The following HMCN1 variants were observed in gnomAD, a reference collection of about 807,000 sequenced individuals.
HMCN1 encodes the protein hemicentin 1.
HMCN1 carries 321 observed loss-of-function variants against 625.9 expected under a neutral mutation model. The ratio of observed to expected loss-of-function variants is 0.51; its 90% confidence interval spans 0.47 to 0.56. The LOEUF is 0.56. HMCN1 is among the 20% of genes least tolerant of loss of function. The pLI is 0.00. For synonymous variants in HMCN1, 2,425 were observed against 2,417.6 expected (o/e 1.00, Z -0.09); for missense variants, 6,588 against 6,887.3 (o/e 0.96, Z 1.54).
chr1:185,921,365 C>T (rs1666997498), intron 6 of HMCN1, among the ~76,000 whole-genome samples: 1 of 152,174 alleles, frequency 6.6e-6, no homozygotes, highest in African/African-American at 2.4e-5. Flanking sequence ...TTCTTCTCCA[C>T]ATTGCTAAAT....
rs139924006 is a variant in HMCN1 at position 185,993,621 on chromosome 1, G to A, written c.3505+312G>A. The stretch of plus-strand genomic sequence containing the variant: ...CAGTAGAAAAAAATGTGTTTAAGCC[G>A]GTAGCATTTTATAGAAGCTAATACA... On this transcript the variant is annotated intron_variant, in intron 23 of 106. Transcript: ENST00000271588. 1.4e-3 allele frequency among the ~76,000 whole-genome samples: 219 copies of A among 151,960 alleles called. 2 individuals carry two copies. Among genetic ancestry groups the A allele is most frequent in the African/African-American group, 4.6e-3 (192 of 41,450 alleles).
rs530307991 is a variant in HMCN1 at position 186,037,930 on chromosome 1, G to C, written c.5750-4G>C. On this transcript the variant is annotated splice_region_variant and splice_polypyrimidine_tract_variant and intron_variant, in intron 36 of 106. Coordinates refer to ENST00000271588, the MANE Select transcript of HMCN1 (RefSeq NM_031935.3). ...AAATAATTATCTGTTTGGGCCTCTT[G>C]TAGAACCACCTAGTCTGGAAGATGC... 21 of 1,578,254 alleles carry C rather than the reference G, an allele frequency of 1.3e-5. No individual in the cohort carries two copies. Among genetic ancestry groups the C allele is most frequent in the Middle Eastern group, 1.7e-4 (1 of 5,982 alleles).
rs367723447 is a variant in HMCN1, at chr1:186,144,190, G to A, written c.13942G>A (p.Ala4648Thr). 47 of 1,607,372 alleles carry A rather than the reference G, an allele frequency of 2.9e-5. No homozygotes were observed. Among genetic ancestry groups the A allele is most frequent in the East Asian group, 6.7e-5 (3 of 44,812 alleles). ...RPCPVHGAWS[A>T]WQPWGTCSES... ...GTTTGCAGTTCATGGAGCATGGAGC[G>A]CTTGGCAGCCTTGGGGAACATGCAG... The change falls in exon 90 of 107, where the codon GCT (alanine) becomes ACT (threonine). Residue 4648 changes from alanine (A) to threonine (T), a missense_variant. Physicochemically the swap from Ala to Thr is moderately conservative, Grantham distance 58. Around this residue, in one of 3 missense-constraint regions of HMCN1, gnomAD observed 1,954 missense variants for 2,013.1 expected, o/e 0.97. Coordinates refer to ENST00000271588, the MANE Select transcript of HMCN1 (RefSeq NM_031935.3).
chr1:186,078,005 A>G, intron 54 of HMCN1, 102 bp from the exon 55 acceptor site: 1 of 814,038 alleles, frequency 1.2e-6, no homozygotes, highest in Non-Finnish European at 2.1e-6. Flanking sequence ...GAACCTTGAA[A>G]GAAAATGTAA....
At chr1:186,062,135 T>C (rs1657745027) in intron 47 of HMCN1, among the ~76,000 whole-genome samples, 171 bp downstream of exon 47, 1 of 152,102 alleles carries the variant, frequency 6.6e-6, no homozygotes, top group Non-Finnish European at 1.5e-5. Context: ...CAGGCAATCG[T>C]TTGGGGGAAT....
chr1:186,063,708 G>A (rs778326514), intron 48 of HMCN1, among the ~76,000 whole-genome samples: 2 of 151,704 alleles, frequency 1.3e-5, no homozygotes, highest in Non-Finnish European at 2.9e-5. Flanking sequence ...AAAGAATGAC[G>A]TTATTTTGTA....
At chr1:185,735,183 G>A in intron 1 of HMCN1, 136 bp downstream of exon 1, 1 of 1,010,416 alleles carries the variant, frequency 9.9e-7, no homozygotes, top group Admixed American at 2.1e-5. Flanking sequence ...TTGTAACAAA[G>A]AATTACTTGC....
chr1:185,953,163 C>T (rs913419320), intron 11 of HMCN1, among the ~76,000 whole-genome samples: 5 of 150,962 alleles, frequency 3.3e-5, no homozygotes, highest in African/African-American at 1.2e-4. Context: ...GGGTACTTGC[C>T]CCTCCCCCCA....
chr1:186,094,328 A>G lies in HMCN1; in HGVS notation c.10249A>G (p.Asn3417Asp). ...DVAVYTCVAS[N>D]RAGVDNKHYN... ...CGCTGTGTATACTTGTGTGGCCTCCAACAGAGCTGGGGTGGATAATAAGCA... is the reference window on the plus strand; with the variant it reads ...CGCTGTGTATACTTGTGTGGCCTCCGACAGAGCTGGGGTGGATAATAAGCA... Residue 3417 changes from asparagine to aspartate, a missense_variant, in exon 67 of 107, where the codon AAC (asparagine) becomes GAC (aspartate). By Grantham distance (23) the Asn-to-Asp change is conservative (BLOSUM62 1). Coordinates refer to ENST00000271588, the MANE Select transcript of HMCN1 (RefSeq NM_031935.3). The G allele has an allele frequency of 1.9e-6, 3 of 1,613,416 alleles. No individual in the cohort carries two copies. Among genetic ancestry groups the G allele is most frequent in the Non-Finnish European group, 2.5e-6 (3 of 1,179,612 alleles).
intron 1 of HMCN1, among the ~76,000 whole-genome samples, chr1:185,828,987 TAAAA>T (rs1233255938): frequency 6.6e-6 from 1 of 152,032 alleles, no homozygotes; most frequent in Admixed American, 6.6e-5. Flanking sequence ...GAATTAGAGA[TAAAA>T]AGAAGTACTT....
intron 2 of HMCN1, among the ~76,000 whole-genome samples, chr1:185,857,949 C>G (rs956614577): frequency 6.6e-6 from 1 of 152,116 alleles, no homozygotes; most frequent in Admixed American, 6.5e-5. Flanking sequence ...TCTGATTATA[C>G]AGTGTCTCTG....
At chr1:185,856,492 A>G (rs1662474845) in intron 2 of HMCN1, among the ~76,000 whole-genome samples, 1 of 151,678 alleles carries the variant, frequency 6.6e-6, no homozygotes, top group African/African-American at 2.4e-5. Flanking sequence ...TGTCTCAAAA[A>G]AAAAAAAAAA....
chr1:185,854,674 C>T (rs146647865), intron 2 of HMCN1, among the ~76,000 whole-genome samples: 1 of 152,036 alleles, frequency 6.6e-6, no homozygotes, highest in African/African-American at 2.4e-5. Flanking sequence ...TTTATTTGCT[C>T]TATCATATAT....
chr1:186,125,191 G>A (rs1007383332), intron 81 of HMCN1, among the ~76,000 whole-genome samples: 2 of 151,988 alleles, frequency 1.3e-5, no homozygotes, highest in African/African-American at 4.8e-5. Context: ...GTGTTTTATG[G>A]TGACTATTAT....
intron 28 of HMCN1, among the ~76,000 whole-genome samples, chr1:186,002,022 T>C (rs1653234397): frequency 1.3e-5 from 2 of 152,096 alleles, no homozygotes; most frequent in South Asian, 2.1e-4. Context: ...AAGAAATTAT[T>C]ACTCTTGTCA....
intron 105 of HMCN1, among the ~76,000 whole-genome samples, chr1:186,183,234 T>A (rs1215373795): frequency 6.6e-6 from 1 of 152,208 alleles, no homozygotes; most frequent in Non-Finnish European, 1.5e-5. Flanking sequence ...TGAATTTTTT[T>A]CTCTTTATGG....
intron 4 of HMCN1, among the ~76,000 whole-genome samples, chr1:185,875,038 A>T (rs567642555): frequency 1.3e-4 from 19 of 151,994 alleles, no homozygotes; most frequent in African/African-American, 4.6e-4. Flanking sequence ...AGTAAGTAAA[A>T]TTATTAATTT....
Position 186,120,860 on chromosome 1 carries a change from A to C in HMCN1, c.12229+715A>C, listed in dbSNP as rs567640241. Among the ~76,000 whole-genome samples, 7 of 152,340 alleles carry C rather than the reference A, an allele frequency of 4.6e-5. No individual in the cohort carries two copies. In the South Asian group the frequency reaches 1.4e-3, roughly 32 times the overall value. On this transcript the variant is annotated intron_variant, in intron 80 of 106. Transcript: ENST00000271588. The stretch of plus-strand genomic sequence containing the variant: ...GATCCTTCTCTTATGGTGTTTATAC[A>C]TTGATGGAGAAGGAAAATCTTAAAC...
rs777806495 is a variant in HMCN1 at position 186,081,256 on chromosome 1, C to G, written c.8649C>G (p.Thr2883=). Reference sequence around the variant, plus strand: ...ATAGTGATCTCCCTGAAGAGGTCACCGTGCTGGTGAACAAGAGTGCACTGA... The same window carrying G: ...ATAGTGATCTCCCTGAAGAGGTCACGGTGCTGGTGAACAAGAGTGCACTGA... ...GANSDLPEEV[T]VLVNKSALIE... Residue 2883 remains threonine, a synonymous_variant, in exon 56 of 107, where the codon ACC becomes ACG. Coordinates refer to ENST00000271588, the MANE Select transcript of HMCN1 (RefSeq NM_031935.3). The G allele has an allele frequency of 8.7e-6, 14 of 1,613,690 alleles. No homozygotes were observed. Among genetic ancestry groups the G allele is most frequent in the Non-Finnish European group, 1.2e-5 (14 of 1,179,740 alleles).
Sources: gnomAD v4.1 joint callset for allele counts (sites outside exome capture counted in the v4.1 genomes callset) on GRCh38, gnomAD v4.1.1 for gene constraint, gnomAD v4.1.1 regional missense constraint, MANE v1.5 for transcripts, NCBI Gene and HGNC (gene_info 2026-07-23, HGNC 2026-07-21) for gene names.